Variants in ZNF207 observed in about 807,000 individuals in gnomAD.
ZNF207 encodes BUB3-interacting and GLEBS motif-containing protein ZNF207.
A neutral mutation model predicts 60.2 loss-of-function variants in ZNF207; 24 were observed. That is an observed-to-expected ratio of 0.40 (90% CI 0.29 to 0.56). ZNF207 has a LOEUF of 0.56. Ranked by LOEUF, ZNF207 falls within the 20% of genes least tolerant of loss-of-function variation. The pLI is 0.49. For missense variants in ZNF207, 452 were observed against 636.6 expected, an observed-to-expected ratio of 0.71 and a Z score of 3.12; for synonymous variants, 236 against 194.7, an observed-to-expected ratio of 1.21 and a Z score of -1.77.
At position 32,361,508 on chromosome 17, in the gene ZNF207, G is replaced by A. The variant is rs1214642563; in HGVS notation, c.592G>A (p.Glu198Lys). 1 of 1,607,396 alleles carries A rather than the reference G, an allele frequency of 6.2e-7. No homozygotes were observed. The highest frequency in any genetic ancestry group is 1.7e-5 in the Admixed American group (1 of 59,190). Residue 198 changes from glutamate (E) to lysine (K), a missense_variant, in exon 6 of 12, where the codon GAA becomes AAA. Glu to Lys is a moderately conservative substitution (Grantham distance 56, BLOSUM62 1). This residue lies in a region of ZNF207 where 390 missense variants were observed against 461.4 expected (regional missense o/e 0.85). Coordinates refer to ENST00000394670, the MANE Select transcript of ZNF207 (RefSeq NM_001098507.2). The part of the protein sequence containing the change: ...QRKYTQSFCG[E>K]NIMMPMGGMM... ...AAAATACACCCAGTCATTTTGCGGTGAAAACATGTAAGCATCTCATTCATA... is the reference window on the plus strand; with the variant it reads ...AAAATACACCCAGTCATTTTGCGGTAAAAACATGTAAGCATCTCATTCATA...
intron 7 of ZNF207, among the ~76,000 whole-genome samples, chr17:32,364,226 A>C (rs1342557029): frequency 6.6e-6 from 1 of 152,066 alleles, no homozygotes; most frequent in Non-Finnish European, 1.5e-5. Flanking sequence ...TTAGCTCCTT[A>C]CGTATTATGC....
intron 1 of ZNF207, 61 bp from the exon 2 acceptor site, chr17:32,351,725 T>C (rs767553224): frequency 1.2e-6 from 2 of 1,610,936 alleles, no homozygotes; most frequent in African/African-American, 1.3e-5. Flanking sequence ...GTTATCCATA[T>C]GTTTTTATTA....
intron 2 of ZNF207, among the ~76,000 whole-genome samples, chr17:32,354,311 T>A (rs1904373983): frequency 6.6e-6 from 1 of 151,990 alleles, no homozygotes; most frequent in African/African-American, 2.4e-5. Flanking sequence ...AATAGGGGTT[T>A]AAATAGAGAT....
rs1016731344 is a variant in ZNF207 at position 32,375,804 on chromosome 17, C to T, written c.*6045C>T. The stretch of plus-strand genomic sequence containing the variant: ...TCCAAATTGAAATTTGTTTGCTCTT[C>T]ATTGTAACTTTTATGTAAAAGTCCT... On this transcript the variant is annotated 3_prime_UTR_variant, in exon 12 of 12. Coordinates refer to ENST00000394670, the MANE Select transcript of ZNF207 (RefSeq NM_001098507.2). The T allele has an allele frequency of 6.6e-6, 1 of 152,006 alleles. No individual in the cohort carries two copies. Among genetic ancestry groups the T allele is most frequent in the Non-Finnish European group, 1.5e-5 (1 of 67,926 alleles). The allele number at this position is 152,006 out of a possible 1,614,324, so 9.4% of individuals were successfully genotyped here.
Position 32,371,433 on chromosome 17 carries a change from T to C in ZNF207, c.*1674T>C, listed in dbSNP as rs1905458241. The C allele has an allele frequency of 6.6e-6, 1 of 152,238 alleles. No individual in the cohort carries two copies. The highest frequency in any genetic ancestry group is 1.5e-5 in the Non-Finnish European group (1 of 68,018). 9.4% of individuals were successfully genotyped at this position (152,238 alleles called of 1,614,324 possible). On this transcript the variant is annotated 3_prime_UTR_variant, in exon 12 of 12. Transcript: ENST00000394670. ...ATACCTTTAAGCAAAACATTGCAAG[T>C]ATTATAAAGCTGAATGCTATTTTAA...
Position 32,377,555 on chromosome 17 carries a change from G to A in ZNF207, c.*7796G>A, listed in dbSNP as rs148524846. 732 of 152,038 alleles carry A rather than the reference G, an allele frequency of 4.8e-3. 6 individuals are homozygous for A. The highest frequency in any genetic ancestry group is 0.016 in the African/African-American group (648 of 41,520). The allele number at this position is 152,038 out of a possible 1,614,324, so 9.4% of individuals were successfully genotyped here. On this transcript the variant is annotated 3_prime_UTR_variant, in exon 12 of 12. Transcript: ENST00000394670. The stretch of plus-strand genomic sequence containing the variant: ...GACAAAATCAATTTTTACAAAAGTT[G>A]AATTAAAAACTTTTAAAAATTGCTT...
intron 1 of ZNF207, among the ~76,000 whole-genome samples, chr17:32,350,678 T>C (rs1403474708): frequency 6.6e-6 from 1 of 152,140 alleles, no homozygotes; most frequent in African/African-American, 2.4e-5. Context: ...GGACTTTTCT[T>C]CGAGTGCGAT....
intron 3 of ZNF207, among the ~76,000 whole-genome samples, chr17:32,359,777 G>C (rs1432632185): frequency 6.6e-6 from 1 of 152,096 alleles, no homozygotes; most frequent in Non-Finnish European, 1.5e-5. Flanking sequence ...GGGTGTGGTG[G>C]CACATGCCTA....
chr17:32,369,632 G>T lies in ZNF207; in HGVS notation c.1358G>T (p.Gly453Val). Reference sequence around the variant, plus strand: ...GGTGGTCATCATCAAGGCATGCCAGGATACCTTCCTGGTGCTATGCCCCCG... The same window carrying T: ...GGTGGTCATCATCAAGGCATGCCAGTATACCTTCCTGGTGCTATGCCCCCG... ...QYGGHHQGMP[G>V]YLPGAMPPYG... The change falls in exon 12 of 12, where the codon GGA becomes GTA. Residue 453 changes from glycine to valine, a missense_variant. By Grantham distance (109) the Gly-to-Val change is moderately radical. This residue lies in a region of ZNF207 where 390 missense variants were observed against 461.4 expected (regional missense o/e 0.85). Coordinates refer to ENST00000394670, the MANE Select transcript of ZNF207 (RefSeq NM_001098507.2). 1 of 1,574,834 alleles carries T rather than the reference G, an allele frequency of 6.3e-7. No homozygotes were observed.
chr17:32,378,871 A>T lies in ZNF207; in HGVS notation c.*9112A>T, dbSNP rs1905776207. On this transcript the variant is annotated 3_prime_UTR_variant, in exon 12 of 12. Transcript: ENST00000394670. ...CGCAAGCCTGAACCATCCTAATCTGATAGTAGGATGTATGGCTTCTTCCTT... is the reference window on the plus strand; with the variant it reads ...CGCAAGCCTGAACCATCCTAATCTGTTAGTAGGATGTATGGCTTCTTCCTT... The T allele has an allele frequency of 6.6e-6, 1 of 152,030 alleles. No individual in the cohort carries two copies. The highest frequency in any genetic ancestry group is 6.6e-5 in the Admixed American group (1 of 15,258). 9.4% of individuals were successfully genotyped at this position (152,030 alleles called of 1,614,324 possible).
At chr17:32,369,003 CA>C (rs897955268) in intron 10 of ZNF207, 6,872 of 219,324 alleles carry the variant, frequency 0.031, 16 homozygotes, top group South Asian at 0.05. Flanking sequence ...AACCCCGTCT[CA>C]AAAAAAAAAA....
rs959828680 is a variant in ZNF207, at chr17:32,379,785, T to A, written c.*10026T>A. The stretch of plus-strand genomic sequence containing the variant: ...AAAAATTGGAGTTAGAAATACTGAT[T>A]TCTGAGACCACGTATACCAGTGAAA... On this transcript the variant is annotated 3_prime_UTR_variant, in exon 12 of 12. Transcript: ENST00000394670. 6.6e-6 allele frequency: 1 copy of A among 152,204 alleles called. No homozygotes were observed. The highest frequency in any genetic ancestry group is 1.5e-5 in the Non-Finnish European group (1 of 68,024). The allele number at this position is 152,204 out of a possible 1,614,324, so 9.4% of individuals were successfully genotyped here.
chr17:32,360,868 T>G, intron 4 of ZNF207, 24 bp from the exon 5 acceptor site: 2 of 1,613,850 alleles, frequency 1.2e-6, no homozygotes, highest in African/African-American at 1.3e-5. Context: ...TTGTTATTAT[T>G]TTGATTGAAA....
chr17:32,350,336 G>T lies in ZNF207; in HGVS notation c.41+10G>T. On this transcript the variant is annotated intron_variant, in intron 1 of 11. Transcript: ENST00000394670. ...TGAAGCCGTGGTGCTGGTATCCTTT[G>T]TCGGTTTGAAGTCGAGGTCGCGTTG... 6.2e-7 allele frequency: 1 copy of T among 1,614,120 alleles called. No individual in the cohort carries two copies. The highest frequency in any genetic ancestry group is 8.5e-7 in the Non-Finnish European group (1 of 1,180,026).
At chr17:32,364,961 C>A in intron 7 of ZNF207, among the ~76,000 whole-genome samples, 1 of 152,200 alleles carries the variant, frequency 6.6e-6, no homozygotes, top group Admixed American at 6.5e-5. Flanking sequence ...ATATTTGATT[C>A]ATCAGTTTTT....
At position 32,375,815 on chromosome 17, in the gene ZNF207, T is replaced by C. The variant is rs1905657042; in HGVS notation, c.*6056T>C. 6.6e-6 allele frequency: 1 copy of C among 152,132 alleles called. No homozygotes were observed. Among genetic ancestry groups the C allele is most frequent in the African/African-American group, 2.4e-5 (1 of 41,452 alleles). The allele number at this position is 152,132 out of a possible 1,614,324, so 9.4% of individuals were successfully genotyped here. A position where few individuals can be genotyped will look rare whatever the true frequency, so the allele number is the denominator to read the frequency against. ...ATTTGTTTGCTCTTCATTGTAACTT[T>C]TATGTAAAAGTCCTTTAAAAGGGGA... On this transcript the variant is annotated 3_prime_UTR_variant, in exon 12 of 12. Transcript: ENST00000394670.
In ZNF207 at chr17:32,371,704, C is replaced by T. The variant is rs1905470735; in HGVS notation, c.*1945C>T. On this transcript the variant is annotated 3_prime_UTR_variant, in exon 12 of 12. Transcript: ENST00000394670. Reference sequence around the variant, plus strand: ...CTGCGGTGAGCTATGTTCACTCCAGCCTGGGCAACAGAGCGAGACTCTGTC... The same window carrying T: ...CTGCGGTGAGCTATGTTCACTCCAGTCTGGGCAACAGAGCGAGACTCTGTC... 3 of 152,174 alleles carry T rather than the reference C, an allele frequency of 2.0e-5. No homozygotes were observed. Among genetic ancestry groups the T allele is most frequent in the Admixed American group, 2.0e-4 (3 of 15,282 alleles). The allele number at this position is 152,174 out of a possible 1,614,324, so 9.4% of individuals were successfully genotyped here.
In ZNF207 at chr17:32,372,543, T is replaced by C. The variant is rs944400785; in HGVS notation, c.*2784T>C. On this transcript the variant is annotated 3_prime_UTR_variant, in exon 12 of 12. Transcript: ENST00000394670. The stretch of plus-strand genomic sequence containing the variant: ...GGAACTTTTAAATATGGGATAGAAT[T>C]CTAATTAAAAATTAATTGAAAGTGT... 10 of 152,180 alleles carry C rather than the reference T, an allele frequency of 6.6e-5. No homozygotes were observed. The highest frequency in any genetic ancestry group is 2.4e-4 in the African/African-American group (10 of 41,460). The allele number at this position is 152,180 out of a possible 1,614,324, so 9.4% of individuals were successfully genotyped here.
rs2150805079 is a variant in ZNF207 at position 32,370,915 on chromosome 17, A to T, written c.*1156A>T. ...TGGGATGGTTAACAGATGAATTGGC[A>T]ATTTTTATTATGTTCCTGGAAGATT... On this transcript the variant is annotated 3_prime_UTR_variant, in exon 12 of 12. Coordinates refer to ENST00000394670, the MANE Select transcript of ZNF207 (RefSeq NM_001098507.2). The T allele has an allele frequency of 6.6e-6, 1 of 152,282 alleles. No homozygotes were observed. The highest frequency in any genetic ancestry group is 2.4e-5 in the African/African-American group (1 of 41,546). The allele number at this position is 152,282 out of a possible 1,614,324, so 9.4% of individuals were successfully genotyped here. A position where few individuals can be genotyped will look rare whatever the true frequency, so the allele number is the denominator to read the frequency against.
Sources: gnomAD v4.1 joint callset for allele counts (sites outside exome capture counted in the v4.1 genomes callset) on GRCh38, gnomAD v4.1.1 for gene constraint, gnomAD v4.1.1 regional missense constraint, MANE v1.5 for transcripts, NCBI Gene and HGNC (gene_info 2026-07-23, HGNC 2026-07-21) for gene names.